NDEL1: variants seen among roughly 807,000 people sequenced by gnomAD.
NDEL1 encodes the protein nudE neurodevelopment protein 1 like 1.
NDEL1 carries 9 observed loss-of-function variants against 45.7 expected under a neutral mutation model. The ratio of observed to expected loss-of-function variants is 0.20; its 90% CI spans 0.12 to 0.34. The LOEUF is 0.34. NDEL1 is among the 10% of genes least tolerant of loss of function. The pLI is 1.00. For synonymous variants in NDEL1, 133 were observed against 158.6 expected (o/e 0.84, Z 1.21); for missense variants, 306 against 406.2 (o/e 0.75, Z 2.12).
intron 7 of NDEL1, among the ~76,000 whole-genome samples, chr17:8,458,039 G>A (rs907358155): frequency 3.3e-5 from 5 of 152,032 alleles, no homozygotes; most frequent in African/African-American, 9.7e-5. Flanking sequence ...GCATGCACAC[G>A]CCCCAGACAC....
At chr17:8,440,148 T>A (rs1909632938) in intron 1 of NDEL1, among the ~76,000 whole-genome samples, 1 of 152,198 alleles carries the variant, frequency 6.6e-6, no homozygotes, top group Admixed American at 6.5e-5. Flanking sequence ...GAGGGGCCAA[T>A]AAGCGGGTTA....
chr17:8,443,273 T>C (rs985452231), intron 1 of NDEL1, among the ~76,000 whole-genome samples: 1 of 152,210 alleles, frequency 6.6e-6, no homozygotes, highest in Non-Finnish European at 1.5e-5. Context: ...GTGGTAATAA[T>C]ATCAGTGAAA....
At chr17:8,453,478 T>A (rs1480769626) in intron 6 of NDEL1, among the ~76,000 whole-genome samples, 1 of 152,224 alleles carries the variant, frequency 6.6e-6, no homozygotes, top group Non-Finnish European at 1.5e-5. Flanking sequence ...TATGGGTCAC[T>A]TACCCAGTGG....
chr17:8,447,034 A>C (rs1910128743), intron 4 of NDEL1, 132 bp downstream of exon 4: 1 of 1,138,640 alleles, frequency 8.8e-7, no homozygotes, highest in African/African-American at 1.6e-5. Context: ...CCTGTAACTC[A>C]TCGGACGGAA....
chr17:8,415,271 C>T (rs564707491), intron 1 of NDEL1, among the ~76,000 whole-genome samples: 6 of 150,920 alleles, frequency 4.0e-5, no homozygotes, highest in South Asian at 2.1e-4. Flanking sequence ...CTTGAATTCC[C>T]GGGCTTAAGC....
In NDEL1 at chr17:8,428,840, AT is replaced by A. The variant is rs1297161804; in HGVS notation, c.-12-15414del. ...GGGCTCCTGCCACCACGCCCGGCTA[AT>A]TTTTTGTATTTTTAGTAGAGACGGG... On this transcript the variant is annotated intron_variant, in intron 1 of 4. Transcript: ENST00000582812. 1.3e-5 allele frequency among the ~76,000 whole-genome samples: 2 copies of A among 151,268 alleles called. 1 individual carries two copies. Among genetic ancestry groups the A allele is most frequent in the East Asian group, 3.9e-4 (2 of 5,122 alleles).
At chr17:8,455,735 A>G (rs1282392481) in intron 7 of NDEL1, among the ~76,000 whole-genome samples, 1 of 151,478 alleles carries the variant, frequency 6.6e-6, no homozygotes, top group East Asian at 1.9e-4. Flanking sequence ...CTGCTTAATC[A>G]GTGTGTTACT....
At chr17:8,461,956 C>A (rs1458953443) in intron 8 of NDEL1, among the ~76,000 whole-genome samples, 1 of 151,972 alleles carries the variant, frequency 6.6e-6, no homozygotes, top group East Asian at 1.9e-4. Flanking sequence ...AAGGATAACA[C>A]TGTCTGTTCA....
upstream of NDEL1, among the ~76,000 whole-genome samples, chr17:8,433,485 A>G (rs151270598): frequency 6.6e-6 from 1 of 152,286 alleles, no homozygotes; most frequent in East Asian, 1.9e-4. Flanking sequence ...ACACTTTTAT[A>G]AAGCGTCAAT....
intron 1 of NDEL1, among the ~76,000 whole-genome samples, chr17:8,423,419 C>G (rs1195234306): frequency 6.6e-6 from 1 of 152,070 alleles, no homozygotes; most frequent in Non-Finnish European, 1.5e-5. Context: ...TGTGGTGGTT[C>G]ATGCCTATCA....
At chr17:8,473,133 G>GA (rs1911922112), downstream of NDEL1, among the ~76,000 whole-genome samples, 1 of 152,160 alleles carries the variant, frequency 6.6e-6, no homozygotes, top group South Asian at 2.1e-4. Flanking sequence ...CTGGCACGCT[G>GA]AGTAGTTGGG....
chr17:8,468,430 A>G (rs1429004871), downstream of NDEL1, among the ~76,000 whole-genome samples: 1 of 152,250 alleles, frequency 6.6e-6, no homozygotes, highest in South Asian at 2.1e-4. Flanking sequence ...AAGGACCAGG[A>G]TGTTGAGGGC....
At position 8,428,328 on chromosome 17, in the gene NDEL1, GT is replaced by G. The variant is rs35132309; in HGVS notation, c.-13+15060del. Among the ~76,000 whole-genome samples, 988 of 130,538 alleles carry G rather than the reference GT, an allele frequency of 7.6e-3. 36 individuals are homozygous for G. The highest frequency in any genetic ancestry group is 0.014 in the African/African-American group (466 of 33,814). 85.6% of individuals were successfully genotyped at this position (130,538 alleles called of 152,430 possible). On this transcript the variant is annotated intron_variant, in intron 1 of 4. Transcript: ENST00000582812. ...CTCAAGGCTCAAGTGTGTGTGGTGT[GT>G]GTGTGTGTGTGTGTGTGTGTGTGTG...
chr17:8,439,025 T>TC (rs1243533832), intron 1 of NDEL1, among the ~76,000 whole-genome samples: 19 of 150,698 alleles, frequency 1.3e-4, no homozygotes, highest in Non-Finnish European at 7.4e-5. Flanking sequence ...CACTGCAAGT[T>TC]CTGCCTCCCG....
intron 1 of NDEL1, among the ~76,000 whole-genome samples, chr17:8,437,485 A>G (rs1053290799): frequency 6.6e-6 from 1 of 152,234 alleles, no homozygotes; most frequent in Non-Finnish European, 1.5e-5. Flanking sequence ...CCATGCTGGG[A>G]TAAATTTGGT....
downstream of NDEL1, among the ~76,000 whole-genome samples, chr17:8,471,322 G>C (rs542142912): frequency 6.6e-6 from 1 of 152,176 alleles, no homozygotes; most frequent in Admixed American, 6.5e-5. Context: ...GGCTAATTTT[G>C]TATTTCCCAT....
chr17:8,417,934 G>T (rs1048388598), intron 1 of NDEL1, among the ~76,000 whole-genome samples: 5 of 152,210 alleles, frequency 3.3e-5, no homozygotes, highest in Non-Finnish European at 7.3e-5. Context: ...TGTGAAGCCT[G>T]TGTTGAAATG....
At chr17:8,471,739 AT>A (rs1911837853), downstream of NDEL1, among the ~76,000 whole-genome samples, 1 of 152,206 alleles carries the variant, frequency 6.6e-6, no homozygotes, top group East Asian at 1.9e-4. Context: ...TTCATATAAG[AT>A]TCCCAACAAG....
At chr17:8,430,726 C>A (rs1006562132) in intron 1 of NDEL1, among the ~76,000 whole-genome samples, 1 of 152,226 alleles carries the variant, frequency 6.6e-6, no homozygotes, top group Non-Finnish European at 1.5e-5. Flanking sequence ...GAGGGTAGGG[C>A]AGCCCTCACT....
Sources: allele counts gnomAD v4.1 joint callset (sites outside exome capture counted in the v4.1 genomes callset), GRCh38; gene constraint gnomAD v4.1.1; transcripts MANE v1.5; gene names NCBI Gene and HGNC (gene_info 2026-07-23, HGNC 2026-07-21).